Variants in HSD17B12 observed in about 807,000 individuals in gnomAD.
HSD17B12 encodes the protein very-long-chain 3-oxoacyl-CoA reductase.
In HSD17B12, 32 loss-of-function variants were observed where a neutral mutation model predicts 39.3. The observed-to-expected ratio is 0.81, with a 90% CI of 0.61 to 1.09. HSD17B12 has a LOEUF of 1.09. Among genes scored for constraint, HSD17B12 ranks in the 50% least tolerant of loss-of-function variants. The pLI is 0.00. For missense variants in HSD17B12, 342 were observed against 382.9 expected, an observed-to-expected ratio of 0.89 and a Z score of 0.89; for synonymous variants, 150 against 146.7, an observed-to-expected ratio of 1.02 and a Z score of -0.16.
At chr11:43,641,091 C>T in the HSD17B12 span, 10 of 151,368 alleles carry the variant, frequency 6.6e-5, no homozygotes, top group Non-Finnish European at 1.2e-4. Flanking sequence ...TTCAATTAGA[C>T]GAAAGAAGTA....
intron 9 of HSD17B12, among the ~76,000 whole-genome samples, chr11:43,847,423 C>T (rs916382978): frequency 1.6e-4 from 24 of 152,120 alleles, no homozygotes; most frequent in African/African-American, 2.4e-4. Context: ...ATCCTCTGGG[C>T]GCCATGCACG....
the HSD17B12 span, among the ~76,000 whole-genome samples, chr11:43,588,500 G>A: frequency 6.6e-6 from 1 of 152,030 alleles, no homozygotes; most frequent in Admixed American, 6.6e-5. Context: ...GTAAAATGGG[G>A]ATAATGATAA....
At chr11:43,677,600 C>T (rs1292054084), upstream of HSD17B12, among the ~76,000 whole-genome samples, 1 of 152,028 alleles carries the variant, frequency 6.6e-6, no homozygotes, top group East Asian at 1.9e-4. Flanking sequence ...ACCCCCCCAC[C>T]ACCCCATGAC....
chr11:43,784,109 G>T (rs1354192210), intron 3 of HSD17B12, among the ~76,000 whole-genome samples: 4 of 152,038 alleles, frequency 2.6e-5, no homozygotes, highest in Admixed American at 6.6e-5. Context: ...CCCTCAAAAA[G>T]AAATTCTTGG....
chr11:43,575,521 C>T, the HSD17B12 span, among the ~76,000 whole-genome samples: 3 of 152,306 alleles, frequency 2.0e-5, no homozygotes, highest in East Asian at 1.9e-4. The surrounding 1 kb of genome is among the most constrained non-coding windows in gnomAD (Gnocchi z 4.1). Flanking sequence ...AGGGGGCTGT[C>T]CTGCTGGGCA....
intron 1 of HSD17B12, among the ~76,000 whole-genome samples, chr11:43,690,465 C>T (rs1235379464): frequency 7.5e-6 from 1 of 134,124 alleles, no homozygotes; most frequent in Non-Finnish European, 1.5e-5. Flanking sequence ...GCCTCAAACT[C>T]CTGGGCTCAA....
At chr11:43,781,550 T>A (rs1342759814) in intron 3 of HSD17B12, among the ~76,000 whole-genome samples, 1 of 152,174 alleles carries the variant, frequency 6.6e-6, no homozygotes, top group East Asian at 1.9e-4. Context: ...ACTGTGGCTA[T>A]CTCTGGGCAG....
the HSD17B12 span, among the ~76,000 whole-genome samples, chr11:43,577,134 C>CT: frequency 1.3e-5 from 2 of 152,238 alleles, no homozygotes; most frequent in East Asian, 3.8e-4. Context: ...CTGGTTCGGG[C>CT]TGGCCCAAGA....
chr11:43,755,250 A>G (rs1343608380), intron 3 of HSD17B12: 2 of 174,048 alleles, frequency 1.1e-5, no homozygotes, highest in Middle Eastern at 2.4e-3. Flanking sequence ...TTGGCCGTCA[A>G]ATTAGTGTTG....
chr11:43,628,594 T>A, the HSD17B12 span, among the ~76,000 whole-genome samples: 2 of 152,058 alleles, frequency 1.3e-5, no homozygotes, highest in African/African-American at 4.8e-5. Flanking sequence ...AAATGAGAAA[T>A]GAAGAAATGT....
At chr11:43,596,444 T>G in the HSD17B12 span, among the ~76,000 whole-genome samples, 1 of 152,208 alleles carries the variant, frequency 6.6e-6, no homozygotes. Context: ...TATTCTCTTT[T>G]GCTTTTGAGA....
intron 3 of HSD17B12, among the ~76,000 whole-genome samples, chr11:43,756,898 G>A (rs1043307854): frequency 6.6e-6 from 1 of 152,208 alleles, no homozygotes; most frequent in Non-Finnish European, 1.5e-5. Context: ...ACATTTTCAT[G>A]AAGGAACAGA....
chr11:43,809,839 CAAAT>C (rs1565097300), intron 4 of HSD17B12, among the ~76,000 whole-genome samples: 3 of 152,018 alleles, frequency 2.0e-5, no homozygotes, highest in Admixed American at 6.6e-5. Context: ...AATAAATAAG[CAAAT>C]AAATAAATAA....
intron 4 of HSD17B12, among the ~76,000 whole-genome samples, chr11:43,813,065 T>G (rs555589136): frequency 6.6e-6 from 1 of 152,218 alleles, no homozygotes; most frequent in East Asian, 1.9e-4. Flanking sequence ...ATGATCTAGA[T>G]CTCCTGACCT....
At chr11:43,640,295 C>T in the HSD17B12 span, among the ~76,000 whole-genome samples, 5 of 151,834 alleles carry the variant, frequency 3.3e-5, no homozygotes, top group African/African-American at 9.7e-5. Context: ...TGTAAGAAAT[C>T]GTAAAATTTT....
chr11:43,719,175 T>C, intron 1 of HSD17B12: 1 of 740,562 alleles, frequency 1.4e-6, no homozygotes, highest in South Asian at 1.4e-5. Flanking sequence ...ATTCTAAATA[T>C]ATGTATATCT....
chr11:43,622,464 T>A, the HSD17B12 span, among the ~76,000 whole-genome samples: 1 of 151,848 alleles, frequency 6.6e-6, no homozygotes, highest in South Asian at 2.1e-4. Flanking sequence ...ATAAAATAAA[T>A]TTTTTACTTA....
intron 1 of HSD17B12, among the ~76,000 whole-genome samples, chr11:43,713,998 A>T (rs1463164849): frequency 6.6e-6 from 1 of 151,962 alleles, no homozygotes; most frequent in Admixed American, 6.6e-5. Flanking sequence ...TATTTGTTAG[A>T]GTTCTTTGTA....
the HSD17B12 span, among the ~76,000 whole-genome samples, chr11:43,625,889 G>A: frequency 3.3e-5 from 5 of 151,280 alleles, no homozygotes; most frequent in Non-Finnish European, 5.9e-5. Context: ...TTAATATGAA[G>A]TATTTTTAAT....
Sources: allele counts gnomAD v4.1 joint callset (sites outside exome capture counted in the v4.1 genomes callset), GRCh38; gene constraint gnomAD v4.1.1; non-coding constraint Gnocchi (gnomAD v3.1); transcripts MANE v1.5; gene names NCBI Gene and HGNC (gene_info 2026-07-23, HGNC 2026-07-21).